Variants in CRYL1 observed in about 807,000 individuals in gnomAD.
The protein encoded by CRYL1 is crystallin lambda 1, also known as lambda-crystallin homolog.
CRYL1 carries 29 observed loss-of-function variants against 36.6 expected under a neutral mutation model. The ratio of observed to expected loss-of-function variants is 0.79; its 90% CI spans 0.59 to 1.08. The LOEUF is 1.08. Among genes scored for constraint, CRYL1 ranks in the 50% least tolerant of loss-of-function variants. The probability of loss-of-function intolerance (pLI) is 0.00; values close to 1 mark genes in which losing one functional copy is unlikely to be tolerated. For synonymous variants in CRYL1, 152 were observed against 151.5 expected (o/e 1.00, Z -0.02); for missense variants, 411 against 407.9 (o/e 1.01, Z -0.06).
At chr13:20,482,796 A>C (rs911432998) in intron 3 of CRYL1, among the ~76,000 whole-genome samples, 1 of 152,116 alleles carries the variant, frequency 6.6e-6, no homozygotes, top group Non-Finnish European at 1.5e-5. Flanking sequence ...CGTCTCCTCA[A>C]ACTCTGCCTC....
At chr13:20,492,095 G>C (rs948422929) in intron 2 of CRYL1, among the ~76,000 whole-genome samples, 1 of 152,160 alleles carries the variant, frequency 6.6e-6, no homozygotes, top group African/African-American at 2.4e-5. Flanking sequence ...AGGGTCCTGC[G>C]ATTCAGCATC....
intron 3 of CRYL1, among the ~76,000 whole-genome samples, chr13:20,453,756 A>G (rs1397178100): frequency 6.6e-6 from 1 of 152,170 alleles, no homozygotes; most frequent in Non-Finnish European, 1.5e-5. Flanking sequence ...ACAAACTTCA[A>G]GGCAGACTGA....
Position 20,415,216 on chromosome 13 carries a change from G to C in CRYL1, c.634-1829C>G, listed in dbSNP as rs974132699. ...CCAAGCTGGGGGCTTGCTCCGCCCG[G>C]AGGGCTCTGCGGGGACCCTGGCACA... On this transcript the variant is annotated intron_variant, in intron 5 of 7. Transcript: ENST00000298248. The surrounding 1 kb of genome is among the most constrained non-coding windows in gnomAD (Gnocchi z 4.1). 7.9e-5 allele frequency among the ~76,000 whole-genome samples: 12 copies of C among 152,212 alleles called. No homozygotes were observed. The highest frequency in any genetic ancestry group is 1.2e-4 in the African/African-American group (5 of 41,450).
intron 3 of CRYL1, among the ~76,000 whole-genome samples, chr13:20,484,139 T>A (rs531346621): frequency 2.1e-3 from 325 of 152,272 alleles, no homozygotes; most frequent in African/African-American, 6.8e-3. Flanking sequence ...TAATTTTTTT[T>A]AAAAAAAGAA....
rs1184094740 is a variant in CRYL1 at position 20,425,695 on chromosome 13, AT to A, written c.633+6406del. On this transcript the variant is annotated intron_variant, in intron 5 of 7. Coordinates refer to ENST00000298248, the MANE Select transcript of CRYL1 (RefSeq NM_015974.3). The surrounding 1 kb of genome is among the most constrained non-coding windows in gnomAD (Gnocchi z 4.4). ...GGTAGTTACAGCAGCAAATTTAAAC[AT>A]TTTAGGCCATCTTCCCCCTAGAACA... is the stretch of plus-strand genomic sequence containing the variant. 2.0e-5 allele frequency among the ~76,000 whole-genome samples: 3 copies of A among 152,182 alleles called. No individual in the cohort carries two copies. Among genetic ancestry groups the A allele is most frequent in the African/African-American group, 2.4e-5 (1 of 41,446 alleles).
At chr13:20,501,722 G>A (rs186577814) in intron 2 of CRYL1, among the ~76,000 whole-genome samples, 1 of 152,298 alleles carries the variant, frequency 6.6e-6, no homozygotes, top group East Asian at 1.9e-4. Context: ...AAATAGAAAG[G>A]CCAGGGATTG....
intron 3 of CRYL1, among the ~76,000 whole-genome samples, chr13:20,472,115 C>T (rs1555230310): frequency 2.6e-5 from 4 of 152,116 alleles, no homozygotes; most frequent in Non-Finnish European, 1.5e-5. Context: ...CCCGCCTTAG[C>T]CTCCCAAAGT....
chr13:20,467,458 C>T (rs1327861034), intron 3 of CRYL1, among the ~76,000 whole-genome samples: 1 of 152,064 alleles, frequency 6.6e-6, no homozygotes, highest in Non-Finnish European at 1.5e-5. Flanking sequence ...ATACATGAGT[C>T]GTCACTATAT....
In CRYL1 at chr13:20,485,958, G is replaced by T. The variant is rs534512831; in HGVS notation, c.276+3412C>A. Among the ~76,000 whole-genome samples the T allele has an allele frequency of 3.0e-4, 46 of 151,870 alleles. 1 individual carries two copies. The East Asian group carries it at 6.2e-3, about 21-fold the overall frequency. Reference sequence around the variant, plus strand: ...TTTGAGATGGAGTCTTACTCCAGTTGCCCAGGCTGGAGTGCAGTGGCCTGA... The same window carrying T: ...TTTGAGATGGAGTCTTACTCCAGTTTCCCAGGCTGGAGTGCAGTGGCCTGA... On this transcript the variant is annotated intron_variant, in intron 3 of 7. Coordinates refer to ENST00000298248, the MANE Select transcript of CRYL1 (RefSeq NM_015974.3).
chr13:20,473,948 G>C (rs1045240170), intron 3 of CRYL1, among the ~76,000 whole-genome samples: 1 of 152,114 alleles, frequency 6.6e-6, no homozygotes, highest in Non-Finnish European at 1.5e-5. Flanking sequence ...TAAGTAACAG[G>C]GTAATTTCAT....
chr13:20,467,802 T>G (rs2032972271), intron 3 of CRYL1, among the ~76,000 whole-genome samples: 1 of 152,012 alleles, frequency 6.6e-6, no homozygotes, highest in African/African-American at 2.4e-5. Flanking sequence ...CATGAATACT[T>G]CAACACAGGG....
chr13:20,423,735 G>A (rs1461715515), intron 5 of CRYL1, among the ~76,000 whole-genome samples: 1 of 146,168 alleles, frequency 6.8e-6, no homozygotes, highest in Non-Finnish European at 1.5e-5. Flanking sequence ...TGGACACTGA[G>A]TACTCACTGA....
chr13:20,487,074 C>T (rs1439952015), intron 3 of CRYL1, among the ~76,000 whole-genome samples: 1 of 152,050 alleles, frequency 6.6e-6, no homozygotes, highest in Admixed American at 6.6e-5. Context: ...TTAACCAGAA[C>T]TAATTCAGTT....
At chr13:20,434,587 CCACCCA>C (rs1224765267) in intron 4 of CRYL1, among the ~76,000 whole-genome samples, 1 of 145,468 alleles carries the variant, frequency 6.9e-6, no homozygotes, top group Non-Finnish European at 1.5e-5. Context: ...CCCCTACCGC[CCACCCA>C]CACCCACACG....
intron 3 of CRYL1, among the ~76,000 whole-genome samples, chr13:20,451,745 AACAGATCT>A (rs1312172548): frequency 6.6e-6 from 1 of 152,200 alleles, no homozygotes; most frequent in African/African-American, 2.4e-5. Context: ...AAGAACTTAA[AACAGATCT>A]ACAATTTGAC....
At chr13:20,482,218 T>C (rs889834717) in intron 3 of CRYL1, among the ~76,000 whole-genome samples, 2 of 152,254 alleles carry the variant, frequency 1.3e-5, no homozygotes, top group Non-Finnish European at 2.9e-5. Flanking sequence ...ATAGTTGAGA[T>C]GCAAATTCTG....
At chr13:20,468,196 G>T (rs1856152927) in intron 3 of CRYL1, among the ~76,000 whole-genome samples, 1 of 152,196 alleles carries the variant, frequency 6.6e-6, no homozygotes, top group Non-Finnish European at 1.5e-5. Context: ...AATTAAACAT[G>T]TAACCATTTG....
intron 7 of CRYL1, 22 bp from the exon 8 acceptor site, chr13:20,404,264 A>C: frequency 6.8e-7 from 1 of 1,472,160 alleles, no homozygotes; most frequent in Non-Finnish European, 9.5e-7. Flanking sequence ...AGAAGGAAAA[A>C]AAAGGACAAT....
intron 2 of CRYL1, among the ~76,000 whole-genome samples, chr13:20,497,018 G>C (rs140696788): frequency 6.6e-6 from 1 of 152,190 alleles, no homozygotes; most frequent in East Asian, 1.9e-4. Flanking sequence ...AAATGCCAAC[G>C]AAAAGCAAGT....
Sources: allele counts gnomAD v4.1 joint callset (sites outside exome capture counted in the v4.1 genomes callset), GRCh38; gene constraint gnomAD v4.1.1; non-coding constraint Gnocchi (gnomAD v3.1); transcripts MANE v1.5; gene names NCBI Gene and HGNC (gene_info 2026-07-23, HGNC 2026-07-21).